The following DNAH14 variants were observed in gnomAD, a reference collection of about 807,000 sequenced individuals.
The protein encoded by DNAH14 is axonemal beta dynein heavy chain 14.
In DNAH14, 478 loss-of-function variants were observed where a neutral mutation model predicts 520.9. The ratio of observed to expected loss-of-function variants is 0.92; its 90% confidence interval spans 0.85 to 0.99. The LOEUF (loss-of-function observed/expected upper bound fraction) is 0.99. DNAH14 is among the 50% of genes least tolerant of loss of function. DNAH14 has a pLI of 0.00. For missense variants in DNAH14, 4,831 were observed against 5,234.5 expected, an observed-to-expected ratio of 0.92 and a Z score of 2.38; for synonymous variants, 1,581 against 1,757.2, an observed-to-expected ratio of 0.90 and a Z score of 2.51.
At chr1:225,397,141 C>G (rs1336219903) in intron 84 of DNAH14, 5 of 152,178 alleles carry the variant, frequency 3.3e-5, no homozygotes, top group African/African-American at 1.2e-4. Context: ...CCGAGCCCGG[C>G]TAATTTTTTG....
chr1:225,296,061 G>C (rs1251800229), intron 55 of DNAH14, among the ~76,000 whole-genome samples: 1 of 151,928 alleles, frequency 6.6e-6, no homozygotes, highest in Non-Finnish European at 1.5e-5. Context: ...AGCTACTCCT[G>C]CTTGTGTTTG....
At chr1:224,949,815 C>G (rs2060059217) in intron 1 of DNAH14, among the ~76,000 whole-genome samples, 1 of 152,102 alleles carries the variant, frequency 6.6e-6, no homozygotes, top group African/African-American at 2.4e-5. Context: ...TTTTAGATAG[C>G]ATCTATTGAC....
At chr1:225,062,324 AAGAG>A (rs1288325317) in intron 17 of DNAH14, among the ~76,000 whole-genome samples, 1 of 151,958 alleles carries the variant, frequency 6.6e-6, no homozygotes, top group Non-Finnish European at 1.5e-5. Flanking sequence ...GAGAGAAAGA[AAGAG>A]AAATAAATAA....
rs575243309 is a variant in DNAH14 at position 225,389,596 on chromosome 1, G to T, written c.13191-138G>T. On this transcript the variant is annotated intron_variant, in intron 82 of 85. Transcript: ENST00000682510. ...AAAACCATAGCTGGCTTCCATTCAA[G>T]GGCCTGATAAGAGTCCTGCATTGGG... 3.2e-6 allele frequency: 3 copies of T among 945,638 alleles called. No homozygotes were observed. In the South Asian group the frequency reaches 6.3e-5, roughly 20 times the overall value. 58.6% of individuals were successfully genotyped at this position (945,638 alleles called of 1,614,324 possible).
In DNAH14 at chr1:225,051,649, A is replaced by G; in HGVS notation, c.2278A>G (p.Met760Val). ...AAACTATTTTAGACATATTGTGAATATGGCCATTGAGAAGCGTATTGGTAT... is the reference window on the plus strand; with the variant it reads ...AAACTATTTTAGACATATTGTGAATGTGGCCATTGAGAAGCGTATTGGTAT... ...FRNYFRHIVN[M>V]AIEKRIGIFN... Residue 760 changes from methionine to valine, a missense_variant, in exon 17 of 86, where the codon ATG becomes GTG. By Grantham distance (21) the Met-to-Val change is conservative. Transcript: ENST00000682510. The G allele has an allele frequency of 5.8e-6, 9 of 1,550,920 alleles. No individual in the cohort carries two copies. The highest frequency in any genetic ancestry group is 7.9e-6 in the Non-Finnish European group (9 of 1,146,364).
chr1:224,998,041 G>A (rs1054958560), intron 8 of DNAH14, among the ~76,000 whole-genome samples: 2 of 151,978 alleles, frequency 1.3e-5, no homozygotes, highest in African/African-American at 2.4e-5. Context: ...TTGAGGAATT[G>A]GTACGTTTCA....
In DNAH14 at chr1:225,049,047, A is replaced by ATTTTTTTT. The variant is rs71170051; in HGVS notation, c.1913-1140_1913-1133dup. Among the ~76,000 whole-genome samples the ATTTTTTTT allele has an allele frequency of 1.8e-4, 10 of 56,302 alleles. 3 individuals carry two copies. Among genetic ancestry groups the ATTTTTTTT allele is most frequent in the African/African-American group, 8.3e-4 (10 of 12,086 alleles). The allele number at this position is 56,302 out of a possible 152,430, so 36.9% of individuals were successfully genotyped here. On this transcript the variant is annotated intron_variant, in intron 15 of 85. Transcript: ENST00000682510. ...AAATGTCTTTTTAGATCTCTTGCCTATTTTTTTTTTTTTTTTTTTTTTTTT... is the reference window on the plus strand; with the variant it reads ...AAATGTCTTTTTAGATCTCTTGCCTATTTTTTTTTTTTTTTTTTTTTTTTTTTTTTTTT...
At chr1:225,250,066 T>G (rs898405006) in intron 43 of DNAH14, among the ~76,000 whole-genome samples, 2 of 152,216 alleles carry the variant, frequency 1.3e-5, no homozygotes, top group African/African-American at 4.8e-5. Context: ...TGGACATATG[T>G]TTTCATTTCT....
intron 43 of DNAH14, among the ~76,000 whole-genome samples, chr1:225,244,944 G>A (rs749157861): frequency 3.3e-5 from 5 of 152,058 alleles, no homozygotes; most frequent in Admixed American, 6.6e-5. Flanking sequence ...TGATGTTAGG[G>A]TGTCGATTTT....
chr1:225,257,883 A>C, intron 44 of DNAH14, 77 bp from the exon 45 acceptor site: 2 of 1,164,800 alleles, frequency 1.7e-6, no homozygotes, highest in Middle Eastern at 2.1e-4. Flanking sequence ...AATAATCCTA[A>C]TGACAAAAAA....
chr1:225,367,754 C>G, intron 76 of DNAH14, 51 bp from the exon 77 acceptor site: 2 of 1,289,936 alleles, frequency 1.6e-6, no homozygotes, highest in African/African-American at 2.9e-5. Context: ...CCCTGAAGAC[C>G]AGTGCCTGCA....
Position 224,973,552 on chromosome 1 carries a change from A to G in DNAH14, c.768-539A>G, listed in dbSNP as rs556518499. ...GTCTTTTTCAAAATGCATGACAATT[A>G]TTGATGATGAGTAATAACCAGGGAA... On this transcript the variant is annotated intron_variant, in intron 7 of 85. Coordinates refer to ENST00000682510, the MANE Select transcript of DNAH14 (RefSeq NM_001367479.1). 3.3e-5 allele frequency among the ~76,000 whole-genome samples: 5 copies of G among 152,342 alleles called. No homozygotes were observed. The South Asian group carries it at 1.0e-3, about 32-fold the overall frequency.
At chr1:225,284,683 A>G (rs963305683) in intron 54 of DNAH14, among the ~76,000 whole-genome samples, 5 of 152,182 alleles carry the variant, frequency 3.3e-5, no homozygotes, top group Admixed American at 3.3e-4. Flanking sequence ...TCATCATGAG[A>G]AAAGAAAACT....
intron 76 of DNAH14, among the ~76,000 whole-genome samples, chr1:225,367,008 T>TAC (rs111814272): frequency 2.6e-4 from 39 of 149,502 alleles, no homozygotes; most frequent in African/African-American, 7.1e-4. Context: ...CTCATGTTCA[T>TAC]ACACACACAC....
At chr1:225,132,765 T>C (rs1010831041) in intron 27 of DNAH14, among the ~76,000 whole-genome samples, 3 of 152,180 alleles carry the variant, frequency 2.0e-5, no homozygotes, top group African/African-American at 7.2e-5. Flanking sequence ...AAATGGTATT[T>C]CTGCCTCTAG....
intron 28 of DNAH14, among the ~76,000 whole-genome samples, chr1:225,142,216 A>G (rs563477051): frequency 5.3e-5 from 8 of 152,336 alleles, no homozygotes; most frequent in African/African-American, 1.9e-4. Context: ...GGAAGAGCAT[A>G]TATAGAAAGG....
At chr1:224,981,363 A>G (rs914983569) in intron 8 of DNAH14, among the ~76,000 whole-genome samples, 16 of 152,094 alleles carry the variant, frequency 1.1e-4, no homozygotes, top group Non-Finnish European at 8.8e-5. Context: ...AAGGATTGGT[A>G]TCAATTATTC....
At chr1:225,199,087 A>G (rs531683146) in intron 38 of DNAH14, among the ~76,000 whole-genome samples, 7 of 152,262 alleles carry the variant, frequency 4.6e-5, no homozygotes, top group Middle Eastern at 3.4e-3. Flanking sequence ...GTGTCTTTCT[A>G]GGAATTTATC....
chr1:224,978,028 T>C (rs2061990162), intron 8 of DNAH14, among the ~76,000 whole-genome samples: 1 of 152,128 alleles, frequency 6.6e-6, no homozygotes, highest in African/African-American at 2.4e-5. Context: ...CTGATGAGGA[T>C]ATGGAGAAAA....
Sources: allele counts gnomAD v4.1 joint callset (sites outside exome capture counted in the v4.1 genomes callset), GRCh38; gene constraint gnomAD v4.1.1; transcripts MANE v1.5; gene names NCBI Gene and HGNC (gene_info 2026-07-23, HGNC 2026-07-21).